The following CENPP variants were observed in gnomAD, a reference collection of about 807,000 sequenced individuals.
CENPP encodes the protein centromere protein P.
A neutral mutation model predicts 35.6 loss-of-function variants in CENPP; 24 were observed. That is an observed-to-expected ratio of 0.67 (90% CI 0.49 to 0.95). The LOEUF is 0.95. Among genes scored for constraint, CENPP ranks in the 40% least tolerant of loss-of-function variants. The pLI is 0.00. For missense variants in CENPP, 332 were observed against 345.3 expected, an observed-to-expected ratio of 0.96 and a Z score of 0.31; for synonymous variants, 120 against 125.5, an observed-to-expected ratio of 0.96 and a Z score of 0.29.
At position 92,561,018 on chromosome 9, in the gene CENPP, T is replaced by G. The variant is rs1041176318; in HGVS notation, c.565-50296T>G. On this transcript the variant is annotated intron_variant, in intron 5 of 7. Coordinates refer to ENST00000375587, the MANE Select transcript of CENPP (RefSeq NM_001012267.3). Reference sequence around the variant, plus strand: ...GTCTTAAAGTTGATACTCACCTAGTTTCCTCCTGGCCCTCTTCTCTTACCA... The same window carrying G: ...GTCTTAAAGTTGATACTCACCTAGTGTCCTCCTGGCCCTCTTCTCTTACCA... Among the ~76,000 whole-genome samples, 7 of 152,276 alleles carry G rather than the reference T, an allele frequency of 4.6e-5. No homozygotes were observed. In the South Asian group the frequency reaches 1.2e-3, roughly 27 times the overall value.
At chr9:92,362,917 T>C (rs143979141) in intron 4 of CENPP, among the ~76,000 whole-genome samples, 1 of 152,344 alleles carries the variant, frequency 6.6e-6, no homozygotes, top group East Asian at 1.9e-4. Context: ...CTTAATCTTA[T>C]TTTGGTGCTC....
At chr9:92,516,069 T>A (rs1202758954) in intron 5 of CENPP, among the ~76,000 whole-genome samples, 10 of 142,158 alleles carry the variant, frequency 7.0e-5, no homozygotes, top group Non-Finnish European at 1.3e-4. Context: ...GCATACTTTT[T>A]TTTCCCCCCC....
intron 5 of CENPP, among the ~76,000 whole-genome samples, chr9:92,475,417 G>A (rs1251289683): frequency 6.6e-6 from 1 of 152,106 alleles, no homozygotes; most frequent in Non-Finnish European, 1.5e-5. Flanking sequence ...AACCTGGCAG[G>A]AATATACCTG....
chr9:92,449,017 T>C (rs72752498), intron 5 of CENPP, among the ~76,000 whole-genome samples: 4,705 of 152,298 alleles, frequency 0.031, 111 homozygotes, highest in South Asian at 0.084. Context: ...TTTGCAAAGG[T>C]GATTTCAAAG....
rs1425301197 is a variant in CENPP, at chr9:92,620,174, A to C, written c.*7025A>C. The C allele has an allele frequency of 6.4e-6, 1 of 156,406 alleles. No individual in the cohort carries two copies. Among genetic ancestry groups the C allele is most frequent in the Non-Finnish European group, 1.4e-5 (1 of 70,246 alleles). The allele number at this position is 156,406 out of a possible 1,614,324, so 9.7% of individuals were successfully genotyped here. ...CAGACACAGACATCACTTGTCTGTC[A>C]TGCCCTGCTTGTCAATGGCAAGGCA... On this transcript the variant is annotated 3_prime_UTR_variant, in exon 8 of 8. Transcript: ENST00000375587.
chr9:92,467,517 AC>A (rs1388768980), intron 5 of CENPP, among the ~76,000 whole-genome samples: 3 of 152,168 alleles, frequency 2.0e-5, no homozygotes, highest in African/African-American at 7.2e-5. Context: ...CGTCTTCAGG[AC>A]CTTTTTGTCC....
At chr9:92,489,152 C>T (rs1254567338) in intron 5 of CENPP, among the ~76,000 whole-genome samples, 1 of 152,182 alleles carries the variant, frequency 6.6e-6, no homozygotes, top group African/African-American at 2.4e-5. Flanking sequence ...CTCCTGTTCA[C>T]CTTGTAGACA....
chr9:92,437,063 A>G (rs1430138287), intron 5 of CENPP, among the ~76,000 whole-genome samples: 2 of 152,118 alleles, frequency 1.3e-5, no homozygotes, highest in East Asian at 1.9e-4. Context: ...TTAGCCGGGC[A>G]TGGTGGCAGG....
intron 5 of CENPP, among the ~76,000 whole-genome samples, chr9:92,586,562 G>A (rs1403709854): frequency 6.6e-6 from 1 of 152,160 alleles, no homozygotes. Context: ...AGACCTAAGA[G>A]GAGACTAGCT....
chr9:92,492,600 C>T (rs1041035780), intron 5 of CENPP, among the ~76,000 whole-genome samples: 4 of 152,170 alleles, frequency 2.6e-5, no homozygotes, highest in Non-Finnish European at 4.4e-5. Context: ...GAGTATCTTT[C>T]TCCCCTCGTT....
At chr9:92,527,679 T>C (rs949702109) in intron 5 of CENPP, among the ~76,000 whole-genome samples, 2 of 152,086 alleles carry the variant, frequency 1.3e-5, no homozygotes, top group African/African-American at 2.4e-5. Context: ...CAAGCCACAG[T>C]GTCTACCACC....
At chr9:92,440,192 G>T (rs1348931093) in intron 5 of CENPP, among the ~76,000 whole-genome samples, 2 of 151,966 alleles carry the variant, frequency 1.3e-5, no homozygotes, top group Non-Finnish European at 2.9e-5. Context: ...CACCTGTCAT[G>T]GTATCCCAGC....
intron 5 of CENPP, among the ~76,000 whole-genome samples, chr9:92,573,151 G>A (rs140434870): frequency 4.3e-4 from 66 of 152,312 alleles, no homozygotes; most frequent in African/African-American, 1.4e-3. Flanking sequence ...GAGGAGCTGC[G>A]TTCCTTTGGA....
At chr9:92,347,630 C>G (rs996905206) in intron 4 of CENPP, among the ~76,000 whole-genome samples, 11 of 152,140 alleles carry the variant, frequency 7.2e-5, no homozygotes, top group Non-Finnish European at 1.0e-4. Context: ...GTTTTTCAGA[C>G]AGGATTGGTA....
chr9:92,417,584 G>C (rs370225486), intron 5 of CENPP: 10 of 1,396,776 alleles, frequency 7.2e-6, no homozygotes, highest in African/African-American at 2.9e-5. Flanking sequence ...CCTATTGCAA[G>C]GAGAAAAGGA....
chr9:92,618,749 G>A lies in CENPP; in HGVS notation c.*5600G>A, dbSNP rs1039255005. On this transcript the variant is annotated 3_prime_UTR_variant, in exon 8 of 8. Transcript: ENST00000375587. ...AAGTAAACAATTCTGTGCCTGCCAG[G>A]GAACAGGAATCCTGGGAACTGTTTA... The A allele has an allele frequency of 2.0e-5, 7 of 357,330 alleles. No homozygotes were observed. In the Admixed American group the frequency reaches 2.6e-4, roughly 13 times the overall value. The allele number at this position is 357,330 out of a possible 1,614,324, so 22.1% of individuals were successfully genotyped here. A position where few individuals can be genotyped will look rare whatever the true frequency, so the allele number is the denominator to read the frequency against.
chr9:92,558,511 C>T (rs544706068), intron 5 of CENPP, among the ~76,000 whole-genome samples: 62 of 152,250 alleles, frequency 4.1e-4, no homozygotes, highest in African/African-American at 1.4e-3. Context: ...GTCTCTCAGC[C>T]GTGGATACCA....
In CENPP at chr9:92,616,643, C is replaced by T. The variant is rs919801970; in HGVS notation, c.*3494C>T. On this transcript the variant is annotated 3_prime_UTR_variant, in exon 8 of 8. Coordinates refer to ENST00000375587, the MANE Select transcript of CENPP (RefSeq NM_001012267.3). ...TTATTCTCAAATTTTATCTTCAGTC[C>T]TTTGTATTTTGCTTCTCAGGGCTTA... 2.0e-5 allele frequency: 3 copies of T among 152,626 alleles called. No individual in the cohort carries two copies. The highest frequency in any genetic ancestry group is 4.4e-5 in the Non-Finnish European group (3 of 68,484). 9.5% of individuals were successfully genotyped at this position (152,626 alleles called of 1,614,324 possible).
In CENPP at chr9:92,553,200, T is replaced by A. The variant is rs549272415; in HGVS notation, c.565-58114T>A. ...CCCCACTTTATGTTTTTGTTTGCTT[T>A]GTCGAAGATCAGTTGGCTGTAAGTA... On this transcript the variant is annotated intron_variant, in intron 5 of 7. Transcript: ENST00000375587. 2.0e-4 allele frequency among the ~76,000 whole-genome samples: 31 copies of A among 152,348 alleles called. No homozygotes were observed. The South Asian group carries it at 6.4e-3, about 32-fold the overall frequency.
Sources: gnomAD v4.1 joint callset for allele counts (sites outside exome capture counted in the v4.1 genomes callset) on GRCh38, gnomAD v4.1.1 for gene constraint, MANE v1.5 for transcripts, NCBI Gene and HGNC (gene_info 2026-07-23, HGNC 2026-07-21) for gene names.